The following ZNF550 variants were observed in gnomAD, a reference collection of about 807,000 sequenced individuals.
ZNF550 encodes the protein zinc finger protein 550.
In ZNF550, 42 loss-of-function variants were observed where a neutral mutation model predicts 40.2. The observed-to-expected ratio is 1.05, with a 90% confidence interval of 0.82 to 1.35. The LOEUF (loss-of-function observed/expected upper bound fraction) is 1.35, where lower values mean the gene tolerates loss of function less well. ZNF550 is among the 40% of genes most tolerant of loss of function. ZNF550 has a pLI of 0.00. For missense variants in ZNF550, 549 were observed against 525.2 expected, an observed-to-expected ratio of 1.05 and a Z score of -0.44; for synonymous variants, 223 against 198.6, an observed-to-expected ratio of 1.12 and a Z score of -1.03.
chr19:57,557,616 G>A (rs915169137), intron 1 of ZNF550: 56 of 152,238 alleles, frequency 3.7e-4, no homozygotes, highest in African/African-American at 1.3e-3. Flanking sequence ...TCTATACTTT[G>A]TCTCTGTGTC....
chr19:57,552,536 A>G, intron 3 of ZNF550, 91 bp downstream of exon 3: 3 of 1,035,368 alleles, frequency 2.9e-6, no homozygotes, highest in Non-Finnish European at 4.2e-6. Flanking sequence ...AGCCACAATG[A>G]GCAGTTTCAC....
At chr19:57,559,765 T>C in exon 1 of ZNF550, 11 of 1,253,554 alleles carry the variant, frequency 8.8e-6, no homozygotes, top group Non-Finnish European at 1.2e-5. Flanking sequence ...GGTGCGGAGG[T>C]GAGCCCCAGT....
At chr19:57,552,971 T>C (rs2090086778) in intron 2 of ZNF550, 1 of 420,302 alleles carries the variant, frequency 2.4e-6, no homozygotes, top group Non-Finnish European at 4.3e-6. Flanking sequence ...TAGAAGGTAA[T>C]TAAAATTAAA....
At chr19:57,543,539 C>G in intron 4 of ZNF550, 1 of 884,934 alleles carries the variant, frequency 1.1e-6, no homozygotes, top group South Asian at 5.1e-5. Flanking sequence ...ACTAGTCCCA[C>G]CCCCACAATC....
chr19:57,559,615 T>C lies in ZNF550; in HGVS notation c.27+41A>G, dbSNP rs1419456692. ...CTTCCGCTCGTCGGGCCCGGGACAC[T>C]GAGGCCGGGTGGCCGCGGGGAGCCG... On this transcript the variant is annotated intron_variant, in intron 1 of 4. Transcript: ENST00000457177. The C allele has an allele frequency of 4.1e-6, 6 of 1,462,884 alleles. No homozygotes were observed. The African/African-American group carries it at 8.5e-5, about 21-fold the overall frequency. 90.6% of individuals were successfully genotyped at this position (1,462,884 alleles called of 1,614,324 possible).
In ZNF550 at chr19:57,559,158, G is replaced by A. The variant is rs113238425; in HGVS notation, c.27+498C>T. ...GTCTCCAAACCTAGCACAGGCCCAG[G>A]GAGCAGCTCCGGAAACAACATCCTG... On this transcript the variant is annotated intron_variant, in intron 1 of 4. Transcript: ENST00000457177. Among the ~76,000 whole-genome samples the A allele has an allele frequency of 2.1e-3, 323 of 152,302 alleles. 1 individual carries two copies. The highest frequency in any genetic ancestry group is 7.3e-3 in the African/African-American group (304 of 41,570).
At chr19:57,552,547 A>T in intron 3 of ZNF550, 80 bp downstream of exon 3, 1 of 1,167,342 alleles carries the variant, frequency 8.6e-7, no homozygotes, top group Non-Finnish European at 1.2e-6. Context: ...GCAGTTTCAC[A>T]CAGAAATTCA....
At chr19:57,552,886 T>C (rs1232610197) in intron 2 of ZNF550, 164 bp from the exon 3 acceptor site, 1 of 589,612 alleles carries the variant, frequency 1.7e-6, no homozygotes, top group East Asian at 2.8e-5. Flanking sequence ...TTGCTCTGAG[T>C]GAGCTGTGTT....
chr19:57,559,946 G>C (rs527502892), upstream of ZNF550: 28 of 396,242 alleles, frequency 7.1e-5, no homozygotes, highest in East Asian at 7.9e-4. Context: ...TCCCGTAAGA[G>C]GCCAGGCTTG....
At chr19:57,556,338 T>A (rs1259807790) in exon 2 of ZNF550, 1 of 1,613,192 alleles carries the variant, frequency 6.2e-7, no homozygotes, top group Non-Finnish European at 8.5e-7. Flanking sequence ...CACAGCCACA[T>A]CCTTGAAGGT....
At chr19:57,543,611 G>A (rs1261086472) in intron 4 of ZNF550, 1 of 985,278 alleles carries the variant, frequency 1.0e-6, no homozygotes, top group Non-Finnish European at 1.2e-6. Flanking sequence ...TTCATTAAAT[G>A]TAACAAAGTT....
rs747779325 is a variant in ZNF550, at chr19:57,546,348, T to TAAAA, written c.*518+105_*518+108dup. On this transcript the variant is annotated intron_variant, in intron 4 of 4. Transcript: ENST00000457177. The stretch of plus-strand genomic sequence containing the variant: ...ACAAAGGATGGCAGTGAATGTATGT[T>TAAAA]AAAAAAAAAAAAAAGGAATAAAACC... 1,927 of 265,564 alleles carry TAAAA rather than the reference T, an allele frequency of 7.3e-3. 51 individuals are homozygous for TAAAA. Among genetic ancestry groups the TAAAA allele is most frequent in the African/African-American group, 0.045 (1,806 of 40,154 alleles). The allele number at this position is 265,564 out of a possible 1,614,324, so 16.5% of individuals were successfully genotyped here.
chr19:57,550,676 C>T (rs1230545881), intron 3 of ZNF550, among the ~76,000 whole-genome samples: 1 of 152,162 alleles, frequency 6.6e-6, no homozygotes, highest in East Asian at 1.9e-4. Context: ...CAGAAACTGC[C>T]GAGGTGCTGG....
rs558559899 is a variant in ZNF550, at chr19:57,543,172, G to A, written c.*590C>T. On this transcript the variant is annotated 3_prime_UTR_variant, in exon 5 of 5. Coordinates refer to ENST00000457177, the Ensembl canonical transcript of ZNF550. Reference sequence around the variant, plus strand: ...TCTTGCTTCTTTCATTTCCTTCGGTGTTGTAGTTCTATTATGTTTTTATTC... The same window carrying A: ...TCTTGCTTCTTTCATTTCCTTCGGTATTGTAGTTCTATTATGTTTTTATTC... 17 of 897,620 alleles carry A rather than the reference G, an allele frequency of 1.9e-5. No individual in the cohort carries two copies. The East Asian group carries it at 1.8e-3, about 95-fold the overall frequency. 55.6% of individuals were successfully genotyped at this position (897,620 alleles called of 1,614,324 possible).
chr19:57,546,509 A>G, exon 4 of ZNF550: 4 of 989,368 alleles, frequency 4.0e-6, no homozygotes, highest in Non-Finnish European at 4.8e-6. Context: ...GGTGGGTCAA[A>G]TTCCAGCATG....
At chr19:57,551,895 C>T (rs1599894986) in intron 3 of ZNF550, among the ~76,000 whole-genome samples, 2 of 152,150 alleles carry the variant, frequency 1.3e-5, no homozygotes, top group East Asian at 3.9e-4. Flanking sequence ...GGGCTGCTTC[C>T]GAGTCTCTGA....
At chr19:57,542,158 A>C (rs1358206106) in exon 5 of ZNF550, 1 of 151,882 alleles carries the variant, frequency 6.6e-6, no homozygotes, top group Non-Finnish European at 1.5e-5. Context: ...GAAATACCAG[A>C]TATATTCTAT....
At position 57,550,238 on chromosome 19, in the gene ZNF550, G is replaced by A. The variant is rs1403083020; in HGVS notation, c.251-2245C>T. On this transcript the variant is annotated intron_variant, in intron 3 of 4. Coordinates refer to ENST00000457177, the Ensembl canonical transcript of ZNF550. ...GAATGGTGGGGATGGGAAATGGTGC[G>A]GCTACTCTGGAAAAATATTTGGGGG... Among the ~76,000 whole-genome samples the A allele has an allele frequency of 2.6e-5, 4 of 152,088 alleles. No individual in the cohort carries two copies. The East Asian group carries it at 5.8e-4, about 22-fold the overall frequency.
chr19:57,549,287 A>G (rs1599892581), intron 3 of ZNF550, among the ~76,000 whole-genome samples: 1 of 152,110 alleles, frequency 6.6e-6, no homozygotes, highest in African/African-American at 2.4e-5. Flanking sequence ...TACCCACATA[A>G]ATTAAAAATT....
Sources: gnomAD v4.1 joint callset for allele counts (sites outside exome capture counted in the v4.1 genomes callset) on GRCh38, gnomAD v4.1.1 for gene constraint, MANE v1.5 for transcripts, NCBI Gene and HGNC (gene_info 2026-07-23, HGNC 2026-07-21) for gene names.